Variants in CPQ observed in about 807,000 individuals in gnomAD.
CPQ encodes Ser-Met dipeptidase.
In CPQ, 37 loss-of-function variants were observed where a neutral mutation model predicts 45.7. The observed-to-expected ratio is 0.81, with a 90% CI of 0.62 to 1.07. The LOEUF is 1.07. CPQ is among the 50% of genes least tolerant of loss of function. The probability of loss-of-function intolerance (pLI) is 0.00; values close to 1 mark genes in which losing one functional copy is unlikely to be tolerated. For missense variants in CPQ, 537 were observed against 572.9 expected, an observed-to-expected ratio of 0.94 and a Z score of 0.64; for synonymous variants, 186 against 205.8, an observed-to-expected ratio of 0.90 and a Z score of 0.82.
At chr8:96,716,482 T>A (rs1586370522) in intron 1 of CPQ, among the ~76,000 whole-genome samples, 1 of 152,214 alleles carries the variant, frequency 6.6e-6, no homozygotes, top group East Asian at 1.9e-4. Context: ...TCATCCCACT[T>A]CCACCCTTTC....
intron 4 of CPQ, among the ~76,000 whole-genome samples, chr8:96,937,909 A>T (rs1813075209): frequency 6.6e-6 from 1 of 152,188 alleles, no homozygotes; most frequent in Non-Finnish European, 1.5e-5. Flanking sequence ...GGCACAGGGA[A>T]TGTTGAGATA....
chr8:96,880,679 GA>G, intron 4 of CPQ, among the ~76,000 whole-genome samples: 1 of 150,614 alleles, frequency 6.6e-6, no homozygotes, highest in East Asian at 2.0e-4. Flanking sequence ...AATACAGAAA[GA>G]AAAACAAAAA....
chr8:96,984,795 T>G (rs769381276), intron 5 of CPQ, among the ~76,000 whole-genome samples: 2 of 152,214 alleles, frequency 1.3e-5, no homozygotes, highest in Non-Finnish European at 2.9e-5. Flanking sequence ...TATAGGTTTA[T>G]TGTGATAATT....
At chr8:97,089,810 T>C (rs928032213) in intron 7 of CPQ, among the ~76,000 whole-genome samples, 17 of 152,158 alleles carry the variant, frequency 1.1e-4, no homozygotes, top group Non-Finnish European at 1.8e-4. Context: ...ACCAGTAGTA[T>C]TCAATGTGGT....
chr8:96,715,362 C>T (rs1003356109), intron 1 of CPQ, among the ~76,000 whole-genome samples: 1 of 152,192 alleles, frequency 6.6e-6, no homozygotes, highest in Non-Finnish European at 1.5e-5. Context: ...TAGCTATTCA[C>T]ATCAGACAGG....
At chr8:96,752,138 C>G (rs1282198074) in intron 1 of CPQ, among the ~76,000 whole-genome samples, 1 of 151,876 alleles carries the variant, frequency 6.6e-6, no homozygotes, top group Non-Finnish European at 1.5e-5. Flanking sequence ...TCCATACAAG[C>G]TTTAAAATTT....
At chr8:96,808,679 A>T (rs184410155) in intron 2 of CPQ, among the ~76,000 whole-genome samples, 1 of 152,304 alleles carries the variant, frequency 6.6e-6, no homozygotes, top group African/African-American at 2.4e-5. Context: ...TGGCCGTAAG[A>T]TGTGAAAAGG....
chr8:96,990,933 T>C (rs1372971346), intron 5 of CPQ, among the ~76,000 whole-genome samples: 1 of 152,184 alleles, frequency 6.6e-6, no homozygotes, highest in Admixed American at 6.5e-5. Context: ...GTTAGCTCCT[T>C]ATTTAAACCC....
intron 7 of CPQ, among the ~76,000 whole-genome samples, chr8:97,128,138 T>A (rs956715780): frequency 4.6e-5 from 7 of 152,244 alleles, no homozygotes; most frequent in Non-Finnish European, 8.8e-5. Flanking sequence ...AGAAGCAATA[T>A]TAGCACTTAC....
chr8:96,944,677 T>C (rs1404910057), intron 4 of CPQ, among the ~76,000 whole-genome samples: 1 of 152,166 alleles, frequency 6.6e-6, no homozygotes, highest in East Asian at 1.9e-4. Context: ...ACGGCATTAA[T>C]TTCCAGTGCA....
intron 5 of CPQ, among the ~76,000 whole-genome samples, chr8:96,970,450 A>G (rs1435156838): frequency 6.6e-6 from 1 of 152,194 alleles, no homozygotes; most frequent in Non-Finnish European, 1.5e-5. Context: ...CTCGTGTTAT[A>G]TTCATTTTAC....
At chr8:96,708,458 T>C (rs1372778311) in intron 1 of CPQ, among the ~76,000 whole-genome samples, 5 of 146,084 alleles carry the variant, frequency 3.4e-5, no homozygotes, top group East Asian at 4.0e-4. Flanking sequence ...TATATATATA[T>C]ACATTGTTTG....
chr8:96,776,485 C>T (rs1057144028), intron 1 of CPQ, among the ~76,000 whole-genome samples: 5 of 152,206 alleles, frequency 3.3e-5, no homozygotes, highest in Non-Finnish European at 5.9e-5. Flanking sequence ...TTAGCACATT[C>T]TCTTTCCACT....
chr8:96,900,054 C>T (rs1029949645), intron 4 of CPQ, among the ~76,000 whole-genome samples: 1 of 152,168 alleles, frequency 6.6e-6, no homozygotes, highest in African/African-American at 2.4e-5. Flanking sequence ...TAACAGAACT[C>T]TCTTGTTGTA....
chr8:97,014,256 T>C (rs1049263620), intron 5 of CPQ, among the ~76,000 whole-genome samples: 1 of 152,168 alleles, frequency 6.6e-6, no homozygotes, highest in African/African-American at 2.4e-5. Context: ...ATTATTTGCA[T>C]GGTGAGATTT....
chr8:96,914,060 C>A (rs1038016257), intron 4 of CPQ, among the ~76,000 whole-genome samples: 1 of 151,984 alleles, frequency 6.6e-6, no homozygotes, highest in Non-Finnish European at 1.5e-5. Flanking sequence ...TCATTTTTTT[C>A]AGTAGACAAA....
intron 5 of CPQ, among the ~76,000 whole-genome samples, chr8:97,003,807 G>A (rs2130428648): frequency 6.6e-6 from 1 of 152,214 alleles, no homozygotes; most frequent in East Asian, 1.9e-4. Context: ...GAGGCAGGAT[G>A]GTCAGAGCAC....
chr8:96,848,321 A>G (rs185173482), intron 3 of CPQ, among the ~76,000 whole-genome samples: 12 of 152,320 alleles, frequency 7.9e-5, no homozygotes, highest in African/African-American at 2.9e-4. Flanking sequence ...ATACAAAGTT[A>G]CTTCTACACA....
chr8:96,899,776 T>A (rs137955886), intron 4 of CPQ, among the ~76,000 whole-genome samples: 33 of 152,270 alleles, frequency 2.2e-4, no homozygotes, highest in Non-Finnish European at 2.4e-4. Context: ...GAGATTTGAC[T>A]GGGGATAAAT....
Sources: allele counts gnomAD v4.1 joint callset (sites outside exome capture counted in the v4.1 genomes callset), GRCh38; gene constraint gnomAD v4.1.1; transcripts MANE v1.5; gene names NCBI Gene and HGNC (gene_info 2026-07-23, HGNC 2026-07-21).